The following CDK14 variants were observed in gnomAD, a reference collection of about 807,000 sequenced individuals.
The protein encoded by CDK14 is cyclin dependent kinase 14.
A neutral mutation model predicts 60.7 loss-of-function variants in CDK14; 34 were observed. The observed-to-expected ratio is 0.56, with a 90% confidence interval of 0.43 to 0.75. The LOEUF is 0.75. CDK14 is among the 30% of genes least tolerant of loss of function. The probability of loss-of-function intolerance (pLI) is 0.00; values close to 1 mark genes in which losing one functional copy is unlikely to be tolerated. For synonymous variants in CDK14, 197 were observed against 203.7 expected (o/e 0.97, Z 0.28); for missense variants, 482 against 564.1 (o/e 0.85, Z 1.47).
chr7:91,011,054 A>T (rs1296246056), intron 10 of CDK14, among the ~76,000 whole-genome samples: 1 of 151,940 alleles, frequency 6.6e-6, no homozygotes, highest in East Asian at 1.9e-4. Flanking sequence ...GAGGAGCCTG[A>T]TACTGCTTGC....
intron 11 of CDK14, among the ~76,000 whole-genome samples, chr7:91,050,410 GA>G (rs904612870): frequency 4.6e-4 from 68 of 147,072 alleles, no homozygotes; most frequent in Non-Finnish European, 6.5e-4. Context: ...TTTTCCCTTG[GA>G]AAAAAAAAAT....
intron 1 of CDK14, among the ~76,000 whole-genome samples, chr7:90,597,699 C>T (rs981235928): frequency 6.6e-6 from 1 of 152,168 alleles, no homozygotes; most frequent in Non-Finnish European, 1.5e-5. Flanking sequence ...GGAAATTAAA[C>T]ATAAAGGTAC....
chr7:90,735,763 C>G (rs912283431), intron 3 of CDK14, among the ~76,000 whole-genome samples: 15 of 152,308 alleles, frequency 9.8e-5, no homozygotes, highest in Non-Finnish European at 1.9e-4. Flanking sequence ...TGCTGGGCAC[C>G]GTGGAGGTGG....
At chr7:90,904,247 G>C (rs1005742153) in intron 7 of CDK14, among the ~76,000 whole-genome samples, 4 of 152,122 alleles carry the variant, frequency 2.6e-5, no homozygotes, top group African/African-American at 9.7e-5. Context: ...ATCATTCCAA[G>C]ACGACAGACC....
intron 3 of CDK14, among the ~76,000 whole-genome samples, chr7:90,727,561 A>T (rs943593202): frequency 3.3e-5 from 5 of 152,120 alleles, no homozygotes; most frequent in African/African-American, 9.7e-5. Flanking sequence ...GATAATGTAA[A>T]TTTTGGTCAG....
intron 10 of CDK14, among the ~76,000 whole-genome samples, chr7:91,033,694 G>C (rs932532061): frequency 4.6e-5 from 7 of 152,178 alleles, no homozygotes; most frequent in African/African-American, 1.7e-4. Context: ...CAGGCAGTCA[G>C]GCTGGTTCTG....
rs544592333 is a variant in CDK14, at chr7:91,176,417, A to C, written c.*29-30748A>C. On this transcript the variant is annotated intron_variant, in intron 14 of 14. Coordinates refer to ENST00000380050, the MANE Select transcript of CDK14 (RefSeq NM_001287135.2). ...TAAAAGAACTAGAAAAGCAAGAGCA[A>C]ACACATTCAAAAGCTAGCAGAAGCA... is the stretch of plus-strand genomic sequence containing the variant. Among the ~76,000 whole-genome samples the C allele has an allele frequency of 6.2e-4, 95 of 152,310 alleles. 1 individual carries two copies. In the South Asian group the frequency reaches 0.019, roughly 31 times the overall value.
At chr7:90,920,287 C>T (rs1399724973) in intron 8 of CDK14, among the ~76,000 whole-genome samples, 1 of 152,018 alleles carries the variant, frequency 6.6e-6, no homozygotes, top group African/African-American at 2.4e-5. Flanking sequence ...TACCTTTTTT[C>T]CTTATGTGAA....
At chr7:90,767,158 T>G (rs763477906) in intron 4 of CDK14, among the ~76,000 whole-genome samples, 7 of 152,176 alleles carry the variant, frequency 4.6e-5, no homozygotes, top group Non-Finnish European at 1.0e-4. Flanking sequence ...TAACAGACAA[T>G]AAATAATGGC....
At chr7:91,077,954 C>T (rs1798372076) in intron 11 of CDK14, among the ~76,000 whole-genome samples, 2 of 152,044 alleles carry the variant, frequency 1.3e-5, no homozygotes, top group African/African-American at 4.8e-5. Context: ...GAAAAGAAGT[C>T]CAAGAATGTT....
intron 6 of CDK14, among the ~76,000 whole-genome samples, chr7:90,893,006 C>T (rs1792186124): frequency 6.6e-6 from 1 of 152,120 alleles, no homozygotes; most frequent in Admixed American, 6.5e-5. Context: ...TCTCTATCTC[C>T]TGACCTCGTG....
intron 10 of CDK14, among the ~76,000 whole-genome samples, chr7:91,039,043 C>T (rs1198332814): frequency 6.6e-6 from 1 of 152,094 alleles, no homozygotes; most frequent in African/African-American, 2.4e-5. Flanking sequence ...TTGGCACACA[C>T]ACATGCATAC....
intron 5 of CDK14, among the ~76,000 whole-genome samples, chr7:90,830,270 C>T (rs780089471): frequency 6.6e-6 from 1 of 152,228 alleles, no homozygotes; most frequent in Non-Finnish European, 1.5e-5. Flanking sequence ...CTCTTGTCTT[C>T]TGCACACCCA....
At chr7:90,659,728 A>G (rs1379254358) in intron 2 of CDK14, among the ~76,000 whole-genome samples, 3 of 152,164 alleles carry the variant, frequency 2.0e-5, no homozygotes, top group African/African-American at 7.2e-5. Context: ...AAATGAAGGA[A>G]AGTGTCCAAG....
chr7:90,694,565 T>C (rs543609192), intron 2 of CDK14, among the ~76,000 whole-genome samples: 1 of 152,334 alleles, frequency 6.6e-6, no homozygotes, highest in Non-Finnish European at 1.5e-5. Context: ...TATTTTGGTA[T>C]CTTAATAATC....
At chr7:90,971,006 T>G (rs1002870778) in intron 9 of CDK14, among the ~76,000 whole-genome samples, 4 of 152,158 alleles carry the variant, frequency 2.6e-5, no homozygotes, top group Non-Finnish European at 4.4e-5. Flanking sequence ...TGTATACATG[T>G]GCCATGTTGC....
chr7:90,729,892 T>A (rs1023222034), intron 3 of CDK14, among the ~76,000 whole-genome samples: 1 of 152,156 alleles, frequency 6.6e-6, no homozygotes, highest in Admixed American at 6.5e-5. Flanking sequence ...TTTAAAATTA[T>A]ACTTTAAGTT....
At chr7:90,649,896 GT>G (rs1367894098) in intron 2 of CDK14, among the ~76,000 whole-genome samples, 1 of 152,100 alleles carries the variant, frequency 6.6e-6, no homozygotes, top group Non-Finnish European at 1.5e-5. Flanking sequence ...GTCTGCTATT[GT>G]GAATAGTGGT....
chr7:90,925,935 G>C (rs541590708), intron 8 of CDK14, among the ~76,000 whole-genome samples: 43 of 152,176 alleles, frequency 2.8e-4, no homozygotes, highest in African/African-American at 9.6e-4. Context: ...TTTTTAAATT[G>C]AAATTTTCTC....
Sources: gnomAD v4.1 joint callset for allele counts (sites outside exome capture counted in the v4.1 genomes callset) on GRCh38, gnomAD v4.1.1 for gene constraint, MANE v1.5 for transcripts, NCBI Gene and HGNC (gene_info 2026-07-23, HGNC 2026-07-21) for gene names.